Variants in FER observed in about 807,000 individuals in gnomAD.
FER encodes the protein FER tyrosine kinase.
Under a neutral mutation model 111.0 loss-of-function variants are expected in FER, and 63 were observed. The ratio of observed to expected loss-of-function variants is 0.57; its 90% CI spans 0.46 to 0.70. FER has a LOEUF of 0.70. FER is among the 30% of genes least tolerant of loss of function. The pLI, the probability that FER is intolerant of heterozygous loss-of-function variation, is 0.00. For missense variants in FER, 914 were observed against 954.0 expected, an observed-to-expected ratio of 0.96 and a Z score of 0.55; for synonymous variants, 327 against 313.9, an observed-to-expected ratio of 1.04 and a Z score of -0.44.
At chr5:109,108,251 T>C (rs1177769955) in intron 17 of FER, among the ~76,000 whole-genome samples, 3 of 152,166 alleles carry the variant, frequency 2.0e-5, no homozygotes, top group Non-Finnish European at 4.4e-5. Context: ...ACTTTTCTAA[T>C]GTCACACAGC....
intron 10 of FER, among the ~76,000 whole-genome samples, chr5:108,930,850 G>A (rs1382121569): frequency 6.6e-6 from 1 of 151,686 alleles, no homozygotes; most frequent in Non-Finnish European, 1.5e-5. Flanking sequence ...CTAACCTCAA[G>A]TGATCCATCT....
Position 109,186,180 on chromosome 5 carries a change from GGTT to G in FER, c.2204-13_2204-11del. 6.2e-7 allele frequency: 1 copy of G among 1,614,064 alleles called. No homozygotes were observed. The highest frequency in any genetic ancestry group is 8.5e-7 in the Non-Finnish European group (1 of 1,179,924). Reference sequence around the variant, plus strand: ...TGTCTACTGTGCCTCATGTGGTTATGGTTGTTGTTCCTCTTCCAGGGAGATACA... The same window carrying G: ...TGTCTACTGTGCCTCATGTGGTTATGGTTGTTCCTCTTCCAGGGAGATACA... On this transcript the variant is annotated splice_polypyrimidine_tract_variant and intron_variant, in intron 18 of 19. Transcript: ENST00000281092.
At chr5:108,846,024 C>T (rs192707402) in intron 5 of FER, among the ~76,000 whole-genome samples, 200 of 152,084 alleles carry the variant, frequency 1.3e-3, no homozygotes, top group African/African-American at 4.3e-3. Flanking sequence ...ATGTGATTTG[C>T]TAAGTTTTTG....
rs1423730380 is a variant in FER at position 109,190,892 on chromosome 5, A to G, written c.*3317A>G. 6.6e-6 allele frequency: 1 copy of G among 152,188 alleles called. No homozygotes were observed. Among genetic ancestry groups the G allele is most frequent in the East Asian group, 1.9e-4 (1 of 5,202 alleles). The allele number at this position is 152,188 out of a possible 1,614,324, so 9.4% of individuals were successfully genotyped here. A position where few individuals can be genotyped will look rare whatever the true frequency, so the allele number is the denominator to read the frequency against. On this transcript the variant is annotated 3_prime_UTR_variant, in exon 20 of 20. Transcript: ENST00000281092. The stretch of plus-strand genomic sequence containing the variant: ...TAGATATTTTCAGTGCACATTTCAC[A>G]GTTGTTTTTCATTTTAGGATTATTT...
chr5:109,158,060 GA>G (rs141985372), intron 17 of FER, among the ~76,000 whole-genome samples: 5 of 150,162 alleles, frequency 3.3e-5, no homozygotes, highest in East Asian at 3.9e-4. Context: ...AAAGAAAAAA[GA>G]AAAAAAAACA....
chr5:108,960,026 A>G (rs574569975), intron 13 of FER, among the ~76,000 whole-genome samples: 3 of 152,148 alleles, frequency 2.0e-5, no homozygotes, highest in South Asian at 2.1e-4. Context: ...ATCACTTTTG[A>G]TGTTTCAGGA....
At chr5:108,797,477 G>C (rs1756161183) in intron 2 of FER, among the ~76,000 whole-genome samples, 1 of 152,158 alleles carries the variant, frequency 6.6e-6, no homozygotes, top group Non-Finnish European at 1.5e-5. Context: ...GGTGGGCATT[G>C]GCTGAGTTCA....
chr5:108,776,625 C>A (rs1753527349), intron 2 of FER, among the ~76,000 whole-genome samples: 1 of 152,026 alleles, frequency 6.6e-6, no homozygotes, highest in Admixed American at 6.6e-5. Flanking sequence ...TTACATTTTG[C>A]TTTTTAATAA....
At chr5:109,160,314 C>T (rs1755856763) in intron 17 of FER, among the ~76,000 whole-genome samples, 1 of 152,142 alleles carries the variant, frequency 6.6e-6, no homozygotes, top group Admixed American at 6.6e-5. Context: ...CATGAGGCAT[C>T]CTGTCCACCA....
At chr5:109,056,312 A>C (rs1200274343) in intron 16 of FER, among the ~76,000 whole-genome samples, 2 of 152,218 alleles carry the variant, frequency 1.3e-5, no homozygotes, top group South Asian at 2.1e-4. Flanking sequence ...AAGATACGGA[A>C]AAAAACTAAA....
In FER at chr5:109,195,886, A is replaced by G. The variant is rs1337411655; in HGVS notation, c.*8311A>G. The G allele has an allele frequency of 6.6e-6, 1 of 152,168 alleles. No individual in the cohort carries two copies. The highest frequency in any genetic ancestry group is 1.5e-5 in the Non-Finnish European group (1 of 68,018). The allele number at this position is 152,168 out of a possible 1,614,324, so 9.4% of individuals were successfully genotyped here. ...GATGGCCCAATTGAGCATCTGAATG[A>G]ATATAGTGGGGGTTGGTGGTGGTGC... On this transcript the variant is annotated 3_prime_UTR_variant, in exon 20 of 20. Coordinates refer to ENST00000281092, the MANE Select transcript of FER (RefSeq NM_005246.4).
intron 10 of FER, among the ~76,000 whole-genome samples, chr5:108,931,740 G>GA (rs1375753450): frequency 1.3e-5 from 2 of 152,102 alleles, no homozygotes; most frequent in Non-Finnish European, 1.5e-5. Flanking sequence ...TGAAGCAGGA[G>GA]AAACGCTTGA....
chr5:109,184,752 T>TA (rs1344118770), intron 18 of FER, among the ~76,000 whole-genome samples: 1 of 152,240 alleles, frequency 6.6e-6, no homozygotes, highest in African/African-American at 2.4e-5. Context: ...AGAAGGACGC[T>TA]ACTTCACACA....
At chr5:108,942,412 AATGAAT>A (rs1278536787) in intron 10 of FER, among the ~76,000 whole-genome samples, 45 of 152,282 alleles carry the variant, frequency 3.0e-4, no homozygotes, top group African/African-American at 1.0e-3. Flanking sequence ...TATTTCAGAA[AATGAAT>A]ATGCTTGATT....
chr5:108,800,422 C>A (rs899216198), intron 3 of FER, among the ~76,000 whole-genome samples: 1 of 152,072 alleles, frequency 6.6e-6, no homozygotes, highest in Non-Finnish European at 1.5e-5. Flanking sequence ...ACAGTCATGG[C>A]TCATTGCAGC....
chr5:108,785,324 T>G, intron 2 of FER: 1 of 563,454 alleles, frequency 1.8e-6, no homozygotes, highest in Non-Finnish European at 3.5e-6. Context: ...CACCCTGTGC[T>G]TCAGCCCCAA....
chr5:109,018,018 T>C (rs1355390922), intron 13 of FER, among the ~76,000 whole-genome samples: 1 of 151,880 alleles, frequency 6.6e-6, no homozygotes, highest in African/African-American at 2.4e-5. Flanking sequence ...TTTGTAATAG[T>C]AGGGAAAGAA....
chr5:108,965,600 A>G (rs905381323), intron 13 of FER, among the ~76,000 whole-genome samples: 1 of 152,174 alleles, frequency 6.6e-6, no homozygotes, highest in African/African-American at 2.4e-5. Context: ...CAGACATTAT[A>G]ATTTACCCTA....
intron 10 of FER, among the ~76,000 whole-genome samples, chr5:108,928,537 A>C (rs1359438452): frequency 2.6e-5 from 4 of 152,206 alleles, no homozygotes; most frequent in Non-Finnish European, 5.9e-5. Context: ...TGGCTATTAA[A>C]TATATTCAGA....
Sources: gnomAD v4.1 joint callset for allele counts (sites outside exome capture counted in the v4.1 genomes callset) on GRCh38, gnomAD v4.1.1 for gene constraint, MANE v1.5 for transcripts, NCBI Gene and HGNC (gene_info 2026-07-23, HGNC 2026-07-21) for gene names.